Variants in DYRK1A observed in about 807,000 individuals in gnomAD.
DYRK1A encodes the protein dual specificity tyrosine phosphorylation regulated kinase 1A.
A neutral mutation model predicts 79.7 loss-of-function variants in DYRK1A; 9 were observed. That is an observed-to-expected ratio of 0.11 (90% CI 0.07 to 0.20). DYRK1A has a LOEUF of 0.20. DYRK1A is among the 10% of genes least tolerant of loss of function. The pLI is 1.00. For synonymous variants in DYRK1A, 349 were observed against 329.7 expected, an observed-to-expected ratio of 1.06 and a Z score of -0.63; for missense variants, 622 against 956.0, an observed-to-expected ratio of 0.65 and a Z score of 4.61.
chr21:37,366,981 C>T lies in DYRK1A; in HGVS notation c.-724C>T. 1.8e-5 allele frequency: 3 copies of T among 162,996 alleles called. No individual in the cohort carries two copies. The highest frequency in any genetic ancestry group is 2.7e-5 in the Non-Finnish European group (2 of 75,200). The allele number at this position is 162,996 out of a possible 1,614,324, so 10.1% of individuals were successfully genotyped here. ...GAGCGGACACCCCGAGCGGGGGGTG[C>T]GGGCGCCGCCGCCGCCGCTTCTGCT... is the stretch of plus-strand genomic sequence containing the variant. On this transcript the variant is annotated 5_prime_UTR_variant, in exon 1 of 12. Transcript: ENST00000647188.
At position 37,519,257 on chromosome 21, in the gene DYRK1A, G is replaced by C. The variant is rs1227943907; in HGVS notation, c.*6726G>C. On this transcript the variant is annotated 3_prime_UTR_variant, in exon 12 of 12. Coordinates refer to ENST00000647188, the MANE Select transcript of DYRK1A (RefSeq NM_001347721.2). ...GGGTTTCCCAGGGCACCAGCCACCA[G>C]CTCTGTATAGTAGTTACAGTTTCCC... The C allele has an allele frequency of 6.6e-6, 1 of 152,210 alleles. No homozygotes were observed. Among genetic ancestry groups the C allele is most frequent in the Non-Finnish European group, 1.5e-5 (1 of 68,064 alleles). 9.4% of individuals were successfully genotyped at this position (152,210 alleles called of 1,614,324 possible).
chr21:37,431,560 T>C (rs1168666022), intron 2 of DYRK1A, among the ~76,000 whole-genome samples: 1 of 152,196 alleles, frequency 6.6e-6, no homozygotes, highest in Non-Finnish European at 1.5e-5. Context: ...GTTTTACCCA[T>C]TACCTCCTGT....
At chr21:37,440,185 G>A (rs1364591028) in intron 2 of DYRK1A, among the ~76,000 whole-genome samples, 1 of 100,354 alleles carries the variant, frequency 1.0e-5, no homozygotes, top group Non-Finnish European at 2.1e-5. Flanking sequence ...TCCCAGGCTG[G>A]AGTGCAGTGG....
At chr21:37,501,166 GTTT>G (rs34646709) in intron 9 of DYRK1A, among the ~76,000 whole-genome samples, 5 of 93,976 alleles carry the variant, frequency 5.3e-5, no homozygotes, top group African/African-American at 1.9e-4. Flanking sequence ...GTTGTTGTTG[GTTT>G]TTTTTTTTTT....
At chr21:37,462,384 G>T (rs2051870060) in intron 2 of DYRK1A, among the ~76,000 whole-genome samples, 2 of 152,196 alleles carry the variant, frequency 1.3e-5, no homozygotes, top group African/African-American at 4.8e-5. Context: ...ACAGGGGCCA[G>T]CCTTTACTGT....
chr21:37,377,820 G>A (rs574515023), intron 1 of DYRK1A, among the ~76,000 whole-genome samples: 1 of 152,184 alleles, frequency 6.6e-6, no homozygotes, highest in Non-Finnish European at 1.5e-5. Flanking sequence ...TAGTCAGACT[G>A]CATTAAAGGA....
Position 37,512,597 on chromosome 21 carries a change from A to C in DYRK1A, c.*66A>C. On this transcript the variant is annotated 3_prime_UTR_variant, in exon 12 of 12. Coordinates refer to ENST00000647188, the MANE Select transcript of DYRK1A (RefSeq NM_001347721.2). Reference sequence around the variant, plus strand: ...GAAGTGGTGTTTTTTTTCCAAAAACAAAGTGCAAAGCTGCTTGAATCAGGA... The same window carrying C: ...GAAGTGGTGTTTTTTTTCCAAAAACCAAGTGCAAAGCTGCTTGAATCAGGA... 1 of 1,559,266 alleles carries C rather than the reference A, an allele frequency of 6.4e-7. No individual in the cohort carries two copies.
intron 2 of DYRK1A, among the ~76,000 whole-genome samples, chr21:37,445,902 G>A (rs1269788670): frequency 1.3e-5 from 2 of 152,168 alleles, no homozygotes; most frequent in Non-Finnish European, 2.9e-5. Flanking sequence ...CCAGCACTTT[G>A]GGAGGTTGAG....
intron 2 of DYRK1A, among the ~76,000 whole-genome samples, chr21:37,446,739 G>A (rs1569329610): frequency 6.6e-6 from 1 of 152,174 alleles, no homozygotes; most frequent in Non-Finnish European, 1.5e-5. Context: ...CACACAGTGA[G>A]TTAGTAGATC....
At chr21:37,412,705 T>G (rs1337615356) in intron 1 of DYRK1A, among the ~76,000 whole-genome samples, 1 of 152,156 alleles carries the variant, frequency 6.6e-6, no homozygotes, top group Non-Finnish European at 1.5e-5. Flanking sequence ...ACCATTTAGA[T>G]AAAGTCAGCA....
chr21:37,481,824 A>G (rs1419471094), intron 5 of DYRK1A, among the ~76,000 whole-genome samples: 3 of 151,982 alleles, frequency 2.0e-5, no homozygotes, highest in Admixed American at 1.3e-4. Context: ...TGGGCAACAT[A>G]GCAAGACCTT....
intron 1 of DYRK1A, among the ~76,000 whole-genome samples, chr21:37,417,319 T>C (rs1181073793): frequency 6.6e-6 from 1 of 151,944 alleles, no homozygotes; most frequent in African/African-American, 2.4e-5. Context: ...GCCTCCTGAG[T>C]AGCTGGGATT....
At chr21:37,508,659 G>A (rs1486381234) in intron 11 of DYRK1A, among the ~76,000 whole-genome samples, 4 of 151,860 alleles carry the variant, frequency 2.6e-5, no homozygotes, top group Non-Finnish European at 4.4e-5. Flanking sequence ...TTATCAAGGC[G>A]TCGGTGCTTT....
At chr21:37,489,943 T>C (rs2053021157) in intron 6 of DYRK1A, among the ~76,000 whole-genome samples, 1 of 152,188 alleles carries the variant, frequency 6.6e-6, no homozygotes, top group Non-Finnish European at 1.5e-5. Flanking sequence ...GTAGCACTGC[T>C]TACCTTATAT....
intron 1 of DYRK1A, among the ~76,000 whole-genome samples, chr21:37,381,235 C>CT (rs1158731228): frequency 6.6e-6 from 1 of 151,852 alleles, no homozygotes; most frequent in Non-Finnish European, 1.5e-5. Flanking sequence ...GTTTGTTGGA[C>CT]TAAGAGATTA....
chr21:37,483,902 A>G (rs2052751501), intron 5 of DYRK1A, among the ~76,000 whole-genome samples: 1 of 151,978 alleles, frequency 6.6e-6, no homozygotes, highest in African/African-American at 2.4e-5. Context: ...CTCTTGATTA[A>G]GGTCTTCCTG....
intron 2 of DYRK1A, among the ~76,000 whole-genome samples, chr21:37,446,275 TAAG>T (rs2051268262): frequency 6.6e-6 from 1 of 152,204 alleles, no homozygotes. Context: ...AGCCATCTCC[TAAG>T]AAGTATTAGC....
intron 9 of DYRK1A, chr21:37,501,945 G>C (rs2053462997): frequency 6.6e-6 from 1 of 152,074 alleles, no homozygotes. Context: ...ATATTGTTAC[G>C]ACTTATTGAT....
At chr21:37,438,795 A>G (rs1318525472) in intron 2 of DYRK1A, among the ~76,000 whole-genome samples, 1 of 152,142 alleles carries the variant, frequency 6.6e-6, no homozygotes, top group Non-Finnish European at 1.5e-5. Flanking sequence ...AGTTTTTATA[A>G]CTACTCTAGG....
Sources: allele counts gnomAD v4.1 joint callset (sites outside exome capture counted in the v4.1 genomes callset), GRCh38; gene constraint gnomAD v4.1.1; transcripts MANE v1.5; gene names NCBI Gene and HGNC (gene_info 2026-07-23, HGNC 2026-07-21).